Variants in RAB11FIP4 observed in about 807,000 individuals in gnomAD.
RAB11FIP4 encodes the protein RAB11 family interacting protein 4, also known as rab11 family-interacting protein 4.
RAB11FIP4 carries 23 observed loss-of-function variants against 74.3 expected under a neutral mutation model. The ratio of observed to expected loss-of-function variants is 0.31; its 90% confidence interval spans 0.22 to 0.44. RAB11FIP4 has a LOEUF of 0.44. Ranked by LOEUF, RAB11FIP4 falls within the 20% of genes least tolerant of loss-of-function variation. The pLI, the probability that RAB11FIP4 is intolerant of heterozygous loss-of-function variation, is 1.00. For synonymous variants in RAB11FIP4, 360 were observed against 359.9 expected, an observed-to-expected ratio of 1.00 and a Z score of 0.00; for missense variants, 630 against 863.9, an observed-to-expected ratio of 0.73 and a Z score of 3.39.
intron 1 of RAB11FIP4, among the ~76,000 whole-genome samples, chr17:31,403,288 C>G (rs1284159811): frequency 6.6e-6 from 1 of 152,036 alleles, no homozygotes; most frequent in Non-Finnish European, 1.5e-5. Flanking sequence ...CCAGGACCCA[C>G]CAAAACTTGC....
At position 31,512,176 on chromosome 17, in the gene RAB11FIP4, T is replaced by C. The variant is rs1156580586; in HGVS notation, c.337-5475T>C. ...GGGGACCCATGGCTGTAGGAATAGC[T>C]CACCCTCTGTTGCCTGTAGCCCCTC... On this transcript the variant is annotated intron_variant, in intron 3 of 14. Transcript: ENST00000621161. The surrounding 1 kb of genome is among the most constrained non-coding windows in gnomAD (Gnocchi z 4.1). 6.6e-6 allele frequency among the ~76,000 whole-genome samples: 1 copy of C among 152,168 alleles called. No individual in the cohort carries two copies. The highest frequency in any genetic ancestry group is 1.5e-5 in the Non-Finnish European group (1 of 68,024).
At chr17:31,397,491 T>G (rs144692390) in intron 1 of RAB11FIP4, among the ~76,000 whole-genome samples, 166 of 152,326 alleles carry the variant, frequency 1.1e-3, no homozygotes, top group Middle Eastern at 3.4e-3. Flanking sequence ...TGCCCCACCC[T>G]AATGAGGCTA....
At chr17:31,443,206 G>A (rs970574366) in intron 3 of RAB11FIP4, among the ~76,000 whole-genome samples, 1 of 152,122 alleles carries the variant, frequency 6.6e-6, no homozygotes, top group Non-Finnish European at 1.5e-5. Flanking sequence ...TTCATGAATT[G>A]CCTGTCGACA....
chr17:31,392,056 G>GGGC, intron 1 of RAB11FIP4, 45 bp downstream of exon 1: 1 of 1,148,352 alleles, frequency 8.7e-7, no homozygotes, highest in Non-Finnish European at 1.1e-6. Context: ...CCCCAGCCCA[G>GGGC]CCCCGCCGCC....
intron 3 of RAB11FIP4, among the ~76,000 whole-genome samples, chr17:31,506,693 C>T (rs2072356472): frequency 6.6e-6 from 1 of 152,188 alleles, no homozygotes; most frequent in African/African-American, 2.4e-5. Context: ...TAGGTTCATC[C>T]ATGTCACAAA....
intron 3 of RAB11FIP4, among the ~76,000 whole-genome samples, chr17:31,458,768 A>AT (rs2071605460): frequency 6.6e-6 from 1 of 152,224 alleles, no homozygotes; most frequent in South Asian, 2.1e-4. Flanking sequence ...TTAGTGAAGA[A>AT]TGGACTGGCC....
At chr17:31,490,095 G>A (rs1463350545) in intron 3 of RAB11FIP4, among the ~76,000 whole-genome samples, 2 of 151,950 alleles carry the variant, frequency 1.3e-5, no homozygotes, top group African/African-American at 4.8e-5. Context: ...TGGGGTTCCA[G>A]GGGCAGCCTG....
chr17:31,495,796 A>C (rs2072105233), intron 3 of RAB11FIP4, among the ~76,000 whole-genome samples: 1 of 152,150 alleles, frequency 6.6e-6, no homozygotes, highest in Non-Finnish European at 1.5e-5. Context: ...GCAAAGAAGG[A>C]TTTTATAGCA....
intron 1 of RAB11FIP4, among the ~76,000 whole-genome samples, chr17:31,416,200 C>T (rs1300522714): frequency 1.3e-5 from 2 of 152,170 alleles, no homozygotes; most frequent in Admixed American, 6.5e-5. Flanking sequence ...CCACTAATTG[C>T]GGAGCTGGTC....
chr17:31,404,023 G>C (rs950919218), intron 1 of RAB11FIP4, among the ~76,000 whole-genome samples: 2 of 152,196 alleles, frequency 1.3e-5, no homozygotes, highest in East Asian at 1.9e-4. Flanking sequence ...CCAGCGAACT[G>C]TGCCCAGAAT....
chr17:31,397,087 C>T (rs1365831554), intron 1 of RAB11FIP4, among the ~76,000 whole-genome samples: 1 of 152,158 alleles, frequency 6.6e-6, no homozygotes, highest in East Asian at 1.9e-4. Flanking sequence ...TTTTGAGATA[C>T]GTGGCTTCCA....
At chr17:31,430,983 T>C (rs977272525) in intron 1 of RAB11FIP4, among the ~76,000 whole-genome samples, 7 of 152,058 alleles carry the variant, frequency 4.6e-5, no homozygotes, top group African/African-American at 1.4e-4. Context: ...CCAAGGGACT[T>C]GGTGCCTGAG....
Position 31,517,657 on chromosome 17 carries a change from G to T in RAB11FIP4, c.343G>T (p.Glu115Ter). 1 of 1,602,636 alleles carries T rather than the reference G, an allele frequency of 6.2e-7. No individual in the cohort carries two copies. Among genetic ancestry groups the T allele is most frequent in the Non-Finnish European group, 8.5e-7 (1 of 1,175,480 alleles). ...TCTGCTCTCTCTTTCCCAGGGCAGC[G>T]AGGTCACAGGCCCCACCTTTGCTGA... ...EIPDCVEQGSEVTGPTFADGE... is the reference protein window; with the variant it reads ...EIPDCVEQGS Residue 115 changes from glutamate (E) to a stop codon, truncating the protein, a stop_gained, in exon 4 of 15, where the codon GAG becomes TAG. Transcript: ENST00000621161. LOFTEE classifies it high-confidence loss of function.
At chr17:31,493,619 C>A (rs1342225053) in intron 3 of RAB11FIP4, among the ~76,000 whole-genome samples, 2 of 152,198 alleles carry the variant, frequency 1.3e-5, no homozygotes, top group Admixed American at 1.3e-4. Flanking sequence ...ACACAGACAC[C>A]TGCATCCCAC....
chr17:31,457,554 G>T (rs566294618), intron 3 of RAB11FIP4, among the ~76,000 whole-genome samples: 1 of 152,218 alleles, frequency 6.6e-6, no homozygotes, highest in East Asian at 1.9e-4. Context: ...TCTCCGGGGT[G>T]GGGCGGGACA....
At chr17:31,475,132 G>T (rs1010511297) in intron 3 of RAB11FIP4, among the ~76,000 whole-genome samples, 1 of 152,140 alleles carries the variant, frequency 6.6e-6, no homozygotes, top group Non-Finnish European at 1.5e-5. Flanking sequence ...ACATGGAAGG[G>T]TCCATCTGTG....
rs1567681385 is a variant in RAB11FIP4 at position 31,505,594 on chromosome 17, T to TAATATATAATA, written c.337-12056_337-12055insATATATAATAA. Among the ~76,000 whole-genome samples, 63 of 69,836 alleles carry TAATATATAATA rather than the reference T, an allele frequency of 9.0e-4. 1 individual carries two copies. The highest frequency in any genetic ancestry group is 3.6e-3 in the African/African-American group (61 of 16,970). The allele number at this position is 69,836 out of a possible 152,430, so 45.8% of individuals were successfully genotyped here. ...ATAATAATATATAATAATAATTATA[T>TAATATATAATA]ATTATATAATAATAATTATATATAA... is the stretch of plus-strand genomic sequence containing the variant. On this transcript the variant is annotated intron_variant, in intron 3 of 14. Transcript: ENST00000621161.
chr17:31,471,296 C>T (rs563719421), intron 3 of RAB11FIP4, among the ~76,000 whole-genome samples: 7 of 151,606 alleles, frequency 4.6e-5, no homozygotes, highest in Non-Finnish European at 7.4e-5. Flanking sequence ...AACTCATGGC[C>T]TCAGGTGATC....
chr17:31,495,307 G>T (rs1213445406), intron 3 of RAB11FIP4, among the ~76,000 whole-genome samples: 1 of 151,436 alleles, frequency 6.6e-6, no homozygotes, highest in Non-Finnish European at 1.5e-5. Context: ...CTCAGGCGAA[G>T]CTGGCTAGCC....
Sources: allele counts gnomAD v4.1 joint callset (sites outside exome capture counted in the v4.1 genomes callset), GRCh38; gene constraint gnomAD v4.1.1; non-coding constraint Gnocchi (gnomAD v3.1); transcripts MANE v1.5; gene names NCBI Gene and HGNC (gene_info 2026-07-23, HGNC 2026-07-21).